LRRIQ1: variants seen among roughly 807,000 people sequenced by gnomAD.
LRRIQ1 encodes the protein leucine rich repeats and IQ motif containing 1.
A neutral mutation model predicts 211.9 loss-of-function variants in LRRIQ1; 210 were observed. The observed-to-expected ratio is 0.99, with a 90% CI of 0.89 to 1.11. The LOEUF (loss-of-function observed/expected upper bound fraction) is 1.11, where lower values mean the gene tolerates loss of function less well. Ranked by LOEUF, LRRIQ1 falls within the 50% of genes most tolerant of loss-of-function variation. The pLI, the probability that LRRIQ1 is intolerant of heterozygous loss-of-function variation, is 0.00. For missense variants in LRRIQ1, 2,136 were observed against 1,939.5 expected, an observed-to-expected ratio of 1.10 and a Z score of -1.90; for synonymous variants, 699 against 650.1, an observed-to-expected ratio of 1.08 and a Z score of -1.14.
intron 24 of LRRIQ1, among the ~76,000 whole-genome samples, chr12:85,170,966 T>A (rs1406031132): frequency 6.6e-6 from 1 of 152,084 alleles, no homozygotes; most frequent in Non-Finnish European, 1.5e-5. Flanking sequence ...CTTCTTTTTA[T>A]CTCCACAGTT....
chr12:85,137,090 T>TTA (rs1889187743), intron 18 of LRRIQ1, among the ~76,000 whole-genome samples: 1 of 151,358 alleles, frequency 6.6e-6, no homozygotes. Flanking sequence ...TTTTTAAAAT[T>TTA]TATATATATA....
intron 24 of LRRIQ1, among the ~76,000 whole-genome samples, chr12:85,200,150 T>C (rs957198122): frequency 7.2e-5 from 11 of 152,132 alleles, no homozygotes; most frequent in African/African-American, 2.4e-4. Context: ...TTCTGAGCAG[T>C]GTTTTATAAT....
chr12:85,213,828 A>C (rs1163346663), intron 24 of LRRIQ1, among the ~76,000 whole-genome samples: 1 of 152,004 alleles, frequency 6.6e-6, no homozygotes, highest in African/African-American at 2.4e-5. Flanking sequence ...AAAGTAATAA[A>C]ATGTATCAAT....
chr12:85,241,327 T>TTA (rs1895449211), intron 26 of LRRIQ1, among the ~76,000 whole-genome samples: 1 of 152,066 alleles, frequency 6.6e-6, no homozygotes, highest in African/African-American at 2.4e-5. Context: ...CCCACATATG[T>TTA]TATATAACAA....
Position 85,077,309 on chromosome 12 carries a change from A to G in LRRIQ1, c.2887+4211A>G, listed in dbSNP as rs359984. ...GCCAAAAGTTAATTTTGCCATGGGC[A>G]TGAGCCCTTTGAAGAGTAAACACAC... On this transcript the variant is annotated intron_variant, in intron 11 of 26. Transcript: ENST00000393217. Among the ~76,000 whole-genome samples the G allele has an allele frequency of 4.8e-3, 737 of 152,348 alleles. 2 individuals carry two copies. The highest frequency in any genetic ancestry group is 0.017 in the African/African-American group (699 of 41,594).
chr12:85,073,085 C>G lies in LRRIQ1; in HGVS notation c.2874C>G (p.His958Gln). 6.3e-7 allele frequency: 1 copy of G among 1,599,404 alleles called. No individual in the cohort carries two copies. The highest frequency in any genetic ancestry group is 8.5e-7 in the Non-Finnish European group (1 of 1,169,808). ...CAGATTGTAATTTCCTTATCTCCCA[C>G]TTATACTGGAATTGTAAGTTGTGTT... ...KNSDCNFLIS[H>Q]LYWNCGLESL... The change falls in exon 11 of 27, where the codon CAC (histidine) becomes CAG (glutamine). Residue 958 changes from histidine (H) to glutamine (Q), a missense_variant. Coordinates refer to ENST00000393217, the MANE Select transcript of LRRIQ1 (RefSeq NM_001079910.2).
chr12:85,053,213 T>C (rs1247936928), intron 7 of LRRIQ1, among the ~76,000 whole-genome samples: 2 of 151,914 alleles, frequency 1.3e-5, no homozygotes, highest in Non-Finnish European at 2.9e-5. Flanking sequence ...GATATAAAAT[T>C]TGTATCATAT....
At chr12:85,167,469 C>G (rs1891207433) in intron 24 of LRRIQ1, among the ~76,000 whole-genome samples, 1 of 151,010 alleles carries the variant, frequency 6.6e-6, no homozygotes, top group Non-Finnish European at 1.5e-5. Flanking sequence ...CTCTTGCAAA[C>G]TGCTGGTGTA....
rs776872308 is a variant in LRRIQ1 at position 85,150,982 on chromosome 12, T to G, written c.4330-1298T>G. ...TTTTTTGTGGTGAGAATGCTTAAAA[T>G]GTATTCTCTTAATGATTTTCAAGAA... On this transcript the variant is annotated intron_variant, in intron 19 of 26. Coordinates refer to ENST00000393217, the MANE Select transcript of LRRIQ1 (RefSeq NM_001079910.2). 9.2e-5 allele frequency among the ~76,000 whole-genome samples: 14 copies of G among 151,662 alleles called. 1 individual carries two copies. The highest frequency in any genetic ancestry group is 6.9e-3 in the Middle Eastern group (2 of 290).
chr12:85,051,219 C>T (rs1317446049), intron 6 of LRRIQ1, among the ~76,000 whole-genome samples: 1 of 152,106 alleles, frequency 6.6e-6, no homozygotes, highest in Non-Finnish European at 1.5e-5. Flanking sequence ...CCATGTGACT[C>T]ACTGGCTTCA....
chr12:85,164,613 G>A (rs1891062209), intron 24 of LRRIQ1, among the ~76,000 whole-genome samples: 2 of 152,104 alleles, frequency 1.3e-5, no homozygotes, highest in Admixed American at 1.3e-4. Flanking sequence ...TGTGCTGAGA[G>A]TTTTACTTAC....
chr12:85,224,489 G>T (rs1317587469), intron 24 of LRRIQ1, among the ~76,000 whole-genome samples: 1 of 152,002 alleles, frequency 6.6e-6, no homozygotes, highest in Non-Finnish European at 1.5e-5. Context: ...CAACCCAAAT[G>T]CCCATCAATG....
At chr12:85,078,849 C>T (rs531561999) in intron 11 of LRRIQ1, among the ~76,000 whole-genome samples, 6 of 152,080 alleles carry the variant, frequency 3.9e-5, no homozygotes, top group South Asian at 2.1e-4. Context: ...AATTTTTTTA[C>T]GTTTTATTAA....
chr12:85,137,232 A>G (rs1047325173), intron 18 of LRRIQ1, among the ~76,000 whole-genome samples: 14 of 151,286 alleles, frequency 9.3e-5, no homozygotes, highest in African/African-American at 3.4e-4. Flanking sequence ...CTCATTCCAC[A>G]TGAGCATAAA....
intron 24 of LRRIQ1, among the ~76,000 whole-genome samples, chr12:85,224,969 A>T (rs955342585): frequency 1.3e-5 from 2 of 152,126 alleles, no homozygotes; most frequent in Admixed American, 1.3e-4. Flanking sequence ...TCAGTTTTCT[A>T]TTACATATAA....
intron 24 of LRRIQ1, among the ~76,000 whole-genome samples, chr12:85,196,091 A>G (rs559544449): frequency 6.6e-6 from 1 of 152,128 alleles, no homozygotes; most frequent in Non-Finnish European, 1.5e-5. Flanking sequence ...TTCAAGGAGA[A>G]TAAAATACCT....
At chr12:85,112,601 T>G (rs1887267312) in intron 15 of LRRIQ1, among the ~76,000 whole-genome samples, 1 of 151,586 alleles carries the variant, frequency 6.6e-6, no homozygotes. Flanking sequence ...AGTTTACATT[T>G]TTATTTCTGG....
intron 11 of LRRIQ1, among the ~76,000 whole-genome samples, chr12:85,085,897 C>A (rs1052723754): frequency 1.3e-5 from 2 of 152,174 alleles, no homozygotes; most frequent in African/African-American, 4.8e-5. Flanking sequence ...CTACAATGAA[C>A]ATACAAGTGC....
At chr12:85,222,144 A>G (rs1312038398) in intron 24 of LRRIQ1, among the ~76,000 whole-genome samples, 1 of 152,216 alleles carries the variant, frequency 6.6e-6, no homozygotes, top group Non-Finnish European at 1.5e-5. Context: ...AAAAGGTTAA[A>G]TAATAAACAT....
Sources: gnomAD v4.1 joint callset for allele counts (sites outside exome capture counted in the v4.1 genomes callset) on GRCh38, gnomAD v4.1.1 for gene constraint, MANE v1.5 for transcripts, NCBI Gene and HGNC (gene_info 2026-07-23, HGNC 2026-07-21) for gene names.